The following SLC8B1 variants were observed in gnomAD, a reference collection of about 807,000 sequenced individuals.
SLC8B1 encodes the protein solute carrier family 8 member B1, also known as mitochondrial sodium/calcium exchanger protein.
A neutral mutation model predicts 63.4 loss-of-function variants in SLC8B1; 52 were observed. The ratio of observed to expected loss-of-function variants is 0.82; its 90% CI spans 0.66 to 1.03. SLC8B1 has a LOEUF of 1.03. SLC8B1 is among the 50% of genes least tolerant of loss of function. The probability of loss-of-function intolerance (pLI) is 0.00; values close to 1 mark genes in which losing one functional copy is unlikely to be tolerated. For missense variants in SLC8B1, 657 were observed against 741.7 expected, an observed-to-expected ratio of 0.89 and a Z score of 1.33; for synonymous variants, 336 against 323.9, an observed-to-expected ratio of 1.04 and a Z score of -0.40.
In SLC8B1 at chr12:113,299,784, C is replaced by G; in HGVS notation, c.1748G>C (p.Ser583Thr). The change falls in exon 16 of 16, where the codon AGC becomes ACC. Residue 583 changes from serine to threonine, a missense_variant. Physicochemically the swap from Ser to Thr is moderately conservative, Grantham distance 58 (BLOSUM62 1). Transcript: ENST00000680972. ...AGCACTAAGCGGCTTCAGTCACATG[C>G]TTTTCAGGTGAATCACTCCAAATTC... The part of the protein sequence containing the change: ...LTEFGVIHLK[S>T]M 6.2e-7 allele frequency: 1 copy of G among 1,614,156 alleles called. No individual in the cohort carries two copies. The highest frequency in any genetic ancestry group is 1.1e-5 in the South Asian group (1 of 91,082).
chr12:113,299,272 G>A lies in SLC8B1; in HGVS notation c.*505C>T. 1 of 172,562 alleles carries A rather than the reference G, an allele frequency of 5.8e-6. No homozygotes were observed. The highest frequency in any genetic ancestry group is 1.3e-5 in the Non-Finnish European group (1 of 78,698). The allele number at this position is 172,562 out of a possible 1,614,324, so 10.7% of individuals were successfully genotyped here. A position where few individuals can be genotyped will look rare whatever the true frequency, so the allele number is the denominator to read the frequency against. On this transcript the variant is annotated 3_prime_UTR_variant, in exon 16 of 16. Transcript: ENST00000680972. ...AATTCTGTTTGTGGCAGATGGTGCG[G>A]CTCTGGAGCTCAGCCCTCGGCGGCC...
intron 10 of SLC8B1, among the ~76,000 whole-genome samples, chr12:113,316,253 A>T (rs1041663952): frequency 1.2e-4 from 18 of 151,958 alleles, no homozygotes; most frequent in Admixed American, 3.9e-4. Context: ...CTTTAATCAC[A>T]TCTGCAAAGG....
intron 15 of SLC8B1, among the ~76,000 whole-genome samples, chr12:113,301,569 C>T (rs75298166): frequency 0.021 from 3,144 of 152,124 alleles, 133 homozygotes; most frequent in East Asian, 0.18. Flanking sequence ...GAACTCCTGA[C>T]CTCAAGTGAT....
At chr12:113,324,450 A>G (rs1451022278) in intron 2 of SLC8B1, among the ~76,000 whole-genome samples, 1 of 111,438 alleles carries the variant, frequency 9.0e-6, no homozygotes, top group Non-Finnish European at 1.7e-5. Flanking sequence ...TCTGTCACCC[A>G]GGCTGGAGTA....
intron 13 of SLC8B1, chr12:113,306,874 G>A: frequency 4.5e-6 from 2 of 446,256 alleles, no homozygotes; most frequent in East Asian, 3.3e-5. Flanking sequence ...ACTTTGGGAG[G>A]CCAAGATAGA....
intron 2 of SLC8B1, among the ~76,000 whole-genome samples, chr12:113,323,966 C>T (rs1956963246): frequency 6.6e-6 from 1 of 152,074 alleles, no homozygotes; most frequent in African/African-American, 2.4e-5. Flanking sequence ...TGCCCCAACC[C>T]CTCAATCTTT....
intron 2 of SLC8B1, among the ~76,000 whole-genome samples, chr12:113,332,138 T>G (rs895530269): frequency 6.6e-6 from 1 of 152,172 alleles, no homozygotes; most frequent in Non-Finnish European, 1.5e-5. Context: ...GCCTCAAATA[T>G]CACCCCCTCA....
intron 8 of SLC8B1, among the ~76,000 whole-genome samples, chr12:113,317,723 G>T (rs889644263): frequency 6.6e-6 from 1 of 151,964 alleles, no homozygotes; most frequent in Admixed American, 6.6e-5. Context: ...TGTGTTGTGT[G>T]TGTTATCTAT....
intron 7 of SLC8B1, among the ~76,000 whole-genome samples, chr12:113,319,782 G>A (rs542821353): frequency 1.3e-5 from 2 of 152,260 alleles, no homozygotes; most frequent in African/African-American, 4.8e-5. Context: ...TGTTAAAATT[G>A]GAAATTATGA....
At chr12:113,312,187 A>G (rs1444234296) in intron 11 of SLC8B1, among the ~76,000 whole-genome samples, 1 of 152,098 alleles carries the variant, frequency 6.6e-6, no homozygotes, top group African/African-American at 2.4e-5. Flanking sequence ...TAATCCCAGC[A>G]CTTTGGGAGG....
At chr12:113,303,053 G>C (rs1445332304) in intron 15 of SLC8B1, among the ~76,000 whole-genome samples, 1 of 142,094 alleles carries the variant, frequency 7.0e-6, no homozygotes, top group Non-Finnish European at 1.5e-5. Context: ...AAAGGTGGTA[G>C]ACACACACAC....
chr12:113,323,247 C>T (rs761045768), intron 2 of SLC8B1, among the ~76,000 whole-genome samples: 1 of 152,174 alleles, frequency 6.6e-6, no homozygotes, highest in Non-Finnish European at 1.5e-5. Context: ...TGCTCAAGGC[C>T]CTGACAAGGG....
intron 13 of SLC8B1, among the ~76,000 whole-genome samples, chr12:113,307,235 G>A (rs1197188683): frequency 1.4e-5 from 2 of 146,760 alleles, no homozygotes; most frequent in African/African-American, 5.0e-5. Context: ...TGCTCAAAAA[G>A]GTAAGTGGAA....
intron 14 of SLC8B1, among the ~76,000 whole-genome samples, chr12:113,304,918 A>G (rs1231368745): frequency 1.3e-5 from 2 of 152,182 alleles, no homozygotes; most frequent in East Asian, 3.8e-4. Context: ...AAAAAAAATG[A>G]ATTTACTTGG....
At chr12:113,326,208 T>A (rs953070426) in intron 2 of SLC8B1, among the ~76,000 whole-genome samples, 2 of 152,288 alleles carry the variant, frequency 1.3e-5, no homozygotes. Flanking sequence ...CATAAATATT[T>A]ACTGGGGCAC....
At chr12:113,307,981 G>A in intron 12 of SLC8B1, 137 bp from the exon 13 acceptor site, 1 of 1,004,434 alleles carries the variant, frequency 1.0e-6, no homozygotes, top group South Asian at 1.8e-5. Flanking sequence ...GTTACTATAT[G>A]CATTGGTGCC....
intron 11 of SLC8B1, among the ~76,000 whole-genome samples, chr12:113,314,155 C>T (rs905076399): frequency 6.6e-6 from 1 of 152,248 alleles, no homozygotes; most frequent in African/African-American, 2.4e-5. Context: ...TGTGATGAAC[C>T]AGACGGCCCT....
intron 2 of SLC8B1, among the ~76,000 whole-genome samples, chr12:113,328,971 G>A (rs780938052): frequency 2.7e-4 from 41 of 151,918 alleles, no homozygotes; most frequent in Non-Finnish European, 4.6e-4. Flanking sequence ...GGCTGGTCTC[G>A]AAATCCTGGC....
chr12:113,316,872 G>A (rs1956842727), intron 9 of SLC8B1, 70 bp downstream of exon 9: 2 of 1,556,436 alleles, frequency 1.3e-6, no homozygotes, highest in African/African-American at 1.4e-5. Context: ...GGTCTTGGAG[G>A]GCCCCATCTT....
Sources: gnomAD v4.1 joint callset for allele counts (sites outside exome capture counted in the v4.1 genomes callset) on GRCh38, gnomAD v4.1.1 for gene constraint, MANE v1.5 for transcripts, NCBI Gene and HGNC (gene_info 2026-07-23, HGNC 2026-07-21) for gene names.